Variants in MAF observed in about 807,000 individuals in gnomAD.
MAF encodes the protein MAF bZIP transcription factor.
Under a neutral mutation model 22.0 loss-of-function variants are expected in MAF, and 10 were observed. The observed-to-expected ratio is 0.45, with a 90% CI of 0.28 to 0.77. MAF has a LOEUF of 0.77. MAF is among the 30% of genes least tolerant of loss of function. The pLI is 0.12. For missense variants in MAF, 544 were observed against 548.4 expected, an observed-to-expected ratio of 0.99 and a Z score of 0.08; for synonymous variants, 337 against 255.8, an observed-to-expected ratio of 1.32 and a Z score of -3.03.
the MAF span, among the ~76,000 whole-genome samples, chr16:79,231,638 G>C: frequency 1.3e-5 from 2 of 151,976 alleles, 1 homozygote; most frequent in African/African-American, 4.8e-5. Flanking sequence ...GAAGAAAGCA[G>C]GAAAGAATTA....
the MAF span, among the ~76,000 whole-genome samples, chr16:79,447,905 A>AAAAAAAAAGG: frequency 4.7e-5 from 4 of 85,808 alleles, no homozygotes; most frequent in Non-Finnish European, 8.2e-5. Context: ...AAAAAAAAAA[A>AAAAAAAAAGG]AAAAGAAAAG....
At chr16:79,295,400 G>A in the MAF span, among the ~76,000 whole-genome samples, 1 of 152,208 alleles carries the variant, frequency 6.6e-6, no homozygotes, top group Non-Finnish European at 1.5e-5. Context: ...AAAGTGATGT[G>A]CAGAAAATGG....
chr16:79,279,165 C>T, the MAF span, among the ~76,000 whole-genome samples: 33 of 152,248 alleles, frequency 2.2e-4, no homozygotes, highest in Middle Eastern at 3.4e-3. Flanking sequence ...TCTAAGGTCA[C>T]GCACATAGGA....
the MAF span, among the ~76,000 whole-genome samples, chr16:79,490,267 C>A: frequency 9.2e-5 from 14 of 152,296 alleles, no homozygotes; most frequent in Middle Eastern, 3.4e-3. Context: ...GGAAATCTCC[C>A]TTCGTCTTGA....
chr16:79,447,033 T>G, the MAF span, among the ~76,000 whole-genome samples: 1 of 151,992 alleles, frequency 6.6e-6, no homozygotes, highest in Non-Finnish European at 1.5e-5. Flanking sequence ...AAATTGGGTG[T>G]ATTCAAAATG....
At chr16:79,219,799 G>C in the MAF span, among the ~76,000 whole-genome samples, 7 of 152,030 alleles carry the variant, frequency 4.6e-5, no homozygotes, top group Non-Finnish European at 1.0e-4. Context: ...TGTAGGACTT[G>C]TTTAGGCTTC....
At chr16:79,220,809 T>C in the MAF span, among the ~76,000 whole-genome samples, 2 of 152,228 alleles carry the variant, frequency 1.3e-5, no homozygotes, top group East Asian at 3.9e-4. Flanking sequence ...CTGCTGGTTT[T>C]CTTTGAGAAG....
the MAF span, among the ~76,000 whole-genome samples, chr16:79,363,612 A>C: frequency 1.6e-4 from 25 of 152,300 alleles, no homozygotes; most frequent in African/African-American, 6.0e-4. Flanking sequence ...TATTAAGTCA[A>C]ACCATGTTAA....
the MAF span, among the ~76,000 whole-genome samples, chr16:79,264,060 A>C: frequency 6.6e-6 from 1 of 152,228 alleles, no homozygotes; most frequent in Non-Finnish European, 1.5e-5. Flanking sequence ...TAAATGGAGA[A>C]GACTCCAGGG....
At chr16:79,592,259 G>C (rs1913232199), downstream of MAF, among the ~76,000 whole-genome samples, 1 of 152,172 alleles carries the variant, frequency 6.6e-6, no homozygotes, top group African/African-American at 2.4e-5. Flanking sequence ...CCAATTTGTG[G>C]CAGGACTGTG....
the MAF span, among the ~76,000 whole-genome samples, chr16:79,334,545 T>C: frequency 1.4e-4 from 21 of 152,192 alleles, no homozygotes; most frequent in Non-Finnish European, 2.5e-4. Flanking sequence ...GATCTTAGGA[T>C]TGTATGATTA....
chr16:79,416,061 C>G, the MAF span, among the ~76,000 whole-genome samples: 6 of 152,128 alleles, frequency 3.9e-5, no homozygotes, highest in Non-Finnish European at 8.8e-5. Flanking sequence ...TGTCTCCTAC[C>G]AGCAGCACTG....
chr16:79,493,435 A>C, the MAF span, among the ~76,000 whole-genome samples: 8,562 of 152,088 alleles, frequency 0.056, 348 homozygotes, highest in South Asian at 0.11. Flanking sequence ...CCACCTCAGC[A>C]TCCGAAAGTG....
At chr16:79,256,898 G>T in the MAF span, among the ~76,000 whole-genome samples, 7 of 152,174 alleles carry the variant, frequency 4.6e-5, no homozygotes, top group African/African-American at 9.6e-5. Context: ...GAAGGGAGGG[G>T]CTGGGCCCGG....
the MAF span, among the ~76,000 whole-genome samples, chr16:79,493,041 C>T: frequency 6.6e-6 from 1 of 151,934 alleles, no homozygotes; most frequent in Non-Finnish European, 1.5e-5. Context: ...TCACTGCAAC[C>T]TCATCTCAAG....
chr16:79,522,349 G>C, the MAF span, among the ~76,000 whole-genome samples: 22 of 152,280 alleles, frequency 1.4e-4, no homozygotes, highest in South Asian at 4.2e-3. Flanking sequence ...ACACAGATGA[G>C]AAACCAGCCT....
At chr16:79,486,491 T>A in the MAF span, among the ~76,000 whole-genome samples, 2 of 152,158 alleles carry the variant, frequency 1.3e-5, no homozygotes, top group Non-Finnish European at 2.9e-5. Flanking sequence ...AAAGACTGAT[T>A]TCATATCACC....
At chr16:79,583,599 C>G (rs1313060120), downstream of MAF, among the ~76,000 whole-genome samples, 1 of 152,178 alleles carries the variant, frequency 6.6e-6, no homozygotes, top group African/African-American at 2.4e-5. Flanking sequence ...ACGCTAAGGT[C>G]CATCCCCACG....
At chr16:79,307,908 T>C in the MAF span, among the ~76,000 whole-genome samples, 2 of 152,220 alleles carry the variant, frequency 1.3e-5, no homozygotes, top group African/African-American at 4.8e-5. Flanking sequence ...GCAGTTCCTC[T>C]ACAACCTACC....
Sources: allele counts gnomAD v4.1 joint callset (sites outside exome capture counted in the v4.1 genomes callset), GRCh38; gene constraint gnomAD v4.1.1; transcripts MANE v1.5; gene names NCBI Gene and HGNC (gene_info 2026-07-23, HGNC 2026-07-21).